CYP20A1: variants seen among roughly 807,000 people sequenced by gnomAD.
CYP20A1 encodes the protein cytochrome P450 family 20 subfamily A member 1.
CYP20A1 carries 61 observed loss-of-function variants against 61.4 expected under a neutral mutation model. That is an observed-to-expected ratio of 0.99 (90% CI 0.81 to 1.23). CYP20A1 has a LOEUF of 1.23. Among genes scored for constraint, CYP20A1 ranks in the 50% most tolerant of loss-of-function variants. CYP20A1 has a pLI of 0.00. For missense variants in CYP20A1, 530 were observed against 542.4 expected (o/e 0.98, Z 0.23); for synonymous variants, 193 against 188.2 (o/e 1.03, Z -0.21).
intron 4 of CYP20A1, among the ~76,000 whole-genome samples, chr2:203,263,731 T>C (rs181623738): frequency 3.3e-5 from 5 of 152,302 alleles, no homozygotes; most frequent in East Asian, 3.9e-4. Flanking sequence ...TTTCTAGTTA[T>C]CTGTTTTGTA....
At chr2:203,289,467 T>G (rs2068439037) in intron 9 of CYP20A1, among the ~76,000 whole-genome samples, 1 of 152,052 alleles carries the variant, frequency 6.6e-6, no homozygotes, top group Non-Finnish European at 1.5e-5. Context: ...AAACATTATT[T>G]TGAGTTTTCT....
At chr2:203,285,474 C>A in intron 8 of CYP20A1, 138 bp from the exon 9 acceptor site, 1 of 871,300 alleles carries the variant, frequency 1.1e-6, no homozygotes, top group Non-Finnish European at 1.6e-6. Context: ...TTTTTAGTAG[C>A]ACTTATATAT....
chr2:203,268,991 G>C (rs1467206680), intron 5 of CYP20A1, among the ~76,000 whole-genome samples: 1 of 152,132 alleles, frequency 6.6e-6, no homozygotes, highest in Non-Finnish European at 1.5e-5. Flanking sequence ...TGATTTCACA[G>C]GTGTTAAAAT....
chr2:203,258,835 T>C (rs1348913179), intron 4 of CYP20A1, among the ~76,000 whole-genome samples: 1 of 152,218 alleles, frequency 6.6e-6, no homozygotes, highest in Non-Finnish European at 1.5e-5. Flanking sequence ...GAGGCAGTTA[T>C]GTTGCCTCTA....
chr2:203,258,018 C>G (rs971877420), intron 4 of CYP20A1, among the ~76,000 whole-genome samples: 2 of 50,764 alleles, frequency 3.9e-5, no homozygotes, highest in Admixed American at 4.8e-4. Flanking sequence ...CCTCCTGCCT[C>G]AGCCTCCTGA....
intron 4 of CYP20A1, among the ~76,000 whole-genome samples, chr2:203,258,058 T>C (rs937676933): frequency 5.6e-5 from 3 of 53,294 alleles, no homozygotes; most frequent in African/African-American, 1.2e-4. Flanking sequence ...CGTGCCACCC[T>C]GCCCAGCTAA....
Position 203,299,439 on chromosome 2 carries a change from A to G in CYP20A1, c.*2531A>G, listed in dbSNP as rs75814534. Among the ~76,000 whole-genome samples, 1 of 152,126 alleles carries G rather than the reference A, an allele frequency of 6.6e-6. No homozygotes were observed. Among genetic ancestry groups the G allele is most frequent in the Admixed American group, 6.6e-5 (1 of 15,256 alleles). ...GAGACCCTATCTCTTAAAAAAAAAA[A>G]TCCCTTTGTTGTTGAGTTATTTTAT... On this transcript the variant is annotated 3_prime_UTR_variant, in exon 13 of 13. Transcript: ENST00000356079.
At chr2:203,249,648 C>A (rs555394772) in intron 3 of CYP20A1, among the ~76,000 whole-genome samples, 229 of 152,150 alleles carry the variant, frequency 1.5e-3, no homozygotes, top group African/African-American at 5.3e-3. Context: ...AGTTCGAGAC[C>A]AGCCTGGCCA....
Position 203,262,273 on chromosome 2 carries a change from G to A in CYP20A1, c.433-4241G>A, listed in dbSNP as rs139414106. ...TGGTCTCACTATGTTGCCAAGTCTGGCCTCAAACTCCTGGCCTCAAGTGAT... is the reference window on the plus strand; with the variant it reads ...TGGTCTCACTATGTTGCCAAGTCTGACCTCAAACTCCTGGCCTCAAGTGAT... On this transcript the variant is annotated intron_variant, in intron 4 of 12. Transcript: ENST00000356079. 4.6e-3 allele frequency among the ~76,000 whole-genome samples: 696 copies of A among 151,974 alleles called. 10 individuals are homozygous for A. The highest frequency in any genetic ancestry group is 0.016 in the African/African-American group (659 of 41,462).
intron 6 of CYP20A1, among the ~76,000 whole-genome samples, chr2:203,277,661 G>A (rs1215986486): frequency 6.6e-6 from 1 of 151,938 alleles, no homozygotes; most frequent in Non-Finnish European, 1.5e-5. Context: ...GATTACAGGT[G>A]CCTGCCACTG....
intron 4 of CYP20A1, among the ~76,000 whole-genome samples, chr2:203,253,636 CAT>C (rs1394665313): frequency 6.6e-6 from 1 of 152,200 alleles, no homozygotes; most frequent in African/African-American, 2.4e-5. Context: ...TGACAGGTCA[CAT>C]AATCTATAGC....
intron 9 of CYP20A1, among the ~76,000 whole-genome samples, chr2:203,286,767 A>G (rs1208857789): frequency 6.6e-6 from 1 of 152,214 alleles, no homozygotes; most frequent in Non-Finnish European, 1.5e-5. Flanking sequence ...ACAATTACTA[A>G]AATTCAAACC....
chr2:203,292,603 C>T (rs1211345724), intron 11 of CYP20A1, among the ~76,000 whole-genome samples: 2 of 152,122 alleles, frequency 1.3e-5, no homozygotes, highest in African/African-American at 2.4e-5. Context: ...GGACCACAGG[C>T]GCGTGCTGCC....
intron 4 of CYP20A1, 61 bp downstream of exon 4, chr2:203,252,170 G>T: frequency 8.5e-6 from 11 of 1,289,396 alleles, no homozygotes; most frequent in Non-Finnish European, 1.2e-5. Flanking sequence ...TTTATTTTTT[G>T]AGTATTGGTG....
At chr2:203,264,350 A>G (rs2067247220) in intron 4 of CYP20A1, among the ~76,000 whole-genome samples, 1 of 152,014 alleles carries the variant, frequency 6.6e-6, no homozygotes. Flanking sequence ...ACTTAGTCTT[A>G]TTATATATTC....
intron 9 of CYP20A1, among the ~76,000 whole-genome samples, chr2:203,289,514 C>CT (rs2068440433): frequency 6.6e-6 from 1 of 151,768 alleles, no homozygotes; most frequent in Admixed American, 6.6e-5. Context: ...TTGTTGAAAT[C>CT]TTTATCTACC....
At chr2:203,273,158 T>G (rs1040027559) in intron 6 of CYP20A1, among the ~76,000 whole-genome samples, 1 of 152,296 alleles carries the variant, frequency 6.6e-6, no homozygotes, top group African/African-American at 2.4e-5. Flanking sequence ...ATTTATTTTC[T>G]TTCTTTATGC....
At chr2:203,250,448 G>T (rs2066618197) in intron 3 of CYP20A1, among the ~76,000 whole-genome samples, 1 of 152,150 alleles carries the variant, frequency 6.6e-6, no homozygotes, top group Admixed American at 6.6e-5. Context: ...ATTAGTGATG[G>T]AGCTAGGACT....
chr2:203,245,974 A>G (rs2066446594), intron 2 of CYP20A1, 79 bp downstream of exon 2: 1 of 998,002 alleles, frequency 1.0e-6, no homozygotes, highest in Non-Finnish European at 1.5e-6. Context: ...TTTTTAGCCA[A>G]TCATGGTAGC....
Sources: allele counts gnomAD v4.1 joint callset (sites outside exome capture counted in the v4.1 genomes callset), GRCh38; gene constraint gnomAD v4.1.1; transcripts MANE v1.5; gene names NCBI Gene and HGNC (gene_info 2026-07-23, HGNC 2026-07-21).